The following HEATR4 variants were observed in gnomAD, a reference collection of about 807,000 sequenced individuals.
HEATR4 encodes HEAT repeat-containing protein 4.
HEATR4 carries 95 observed loss-of-function variants against 108.8 expected under a neutral mutation model. That is an observed-to-expected ratio of 0.87 (90% CI 0.74 to 1.04). The LOEUF (loss-of-function observed/expected upper bound fraction) is 1.04, where lower values mean the gene tolerates loss of function less well. Ranked by LOEUF, HEATR4 falls within the 50% of genes least tolerant of loss-of-function variation. The probability of loss-of-function intolerance (pLI) is 0.00; values close to 1 mark genes in which losing one functional copy is unlikely to be tolerated. For synonymous variants in HEATR4, 443 were observed against 459.4 expected (o/e 0.96, Z 0.46); for missense variants, 1,152 against 1,253.8 (o/e 0.92, Z 1.23).
At chr14:73,600,477 GT>G in the HEATR4 span, among the ~76,000 whole-genome samples, 3,141 of 151,766 alleles carry the variant, frequency 0.021, 115 homozygotes, top group African/African-American at 0.072. Context: ...CCAAGACGGA[GT>G]TTTGCTCTTG....
chr14:73,620,812 C>G, the HEATR4 span, among the ~76,000 whole-genome samples: 1 of 151,584 alleles, frequency 6.6e-6, no homozygotes, highest in Non-Finnish European at 1.5e-5. Flanking sequence ...AGGTGATCCA[C>G]CCACCTCAGC....
Position 73,492,746 on chromosome 14 carries a change from TATC to T in HEATR4, c.2844+317_2844+319del. Reference sequence around the variant, plus strand: ...TTACACAGTGGAAAACTCCCGTGTGTATCATCTGGAAGAACCCAAGTGCTTGGA... The same window carrying T: ...TTACACAGTGGAAAACTCCCGTGTGTATCTGGAAGAACCCAAGTGCTTGGA... On this transcript the variant is annotated intron_variant, in intron 17 of 17. Coordinates refer to ENST00000553558, the MANE Select transcript of HEATR4 (RefSeq NM_001220484.1). The surrounding 1 kb of genome is among the most constrained non-coding windows in gnomAD (Gnocchi z 4.9). 1 of 1,613,982 alleles carries T rather than the reference TATC, an allele frequency of 6.2e-7. No homozygotes were observed. The highest frequency in any genetic ancestry group is 2.2e-5 in the East Asian group (1 of 44,890).
At chr14:73,629,714 A>G in the HEATR4 span, among the ~76,000 whole-genome samples, 10 of 150,646 alleles carry the variant, frequency 6.6e-5, no homozygotes, top group South Asian at 4.2e-4. Context: ...GTGCAATCTC[A>G]GCTCACTGCA....
chr14:73,593,865 C>G, the HEATR4 span: 1 of 1,613,784 alleles, frequency 6.2e-7, no homozygotes, highest in Non-Finnish European at 8.5e-7. Flanking sequence ...CCCTGGAGTA[C>G]TTCGAAGAAG....
intron 17 of HEATR4, chr14:73,491,619 G>T (rs1595082655): frequency 6.5e-7 from 1 of 1,547,558 alleles, no homozygotes; most frequent in Non-Finnish European, 8.7e-7. Context: ...AGCCGGCGGC[G>T]AGCGGCCCGC....
chr14:73,504,100 G>T (rs1342175233), intron 10 of HEATR4, among the ~76,000 whole-genome samples: 1 of 147,662 alleles, frequency 6.8e-6, no homozygotes, highest in African/African-American at 2.5e-5. Context: ...TTTTTGAGAC[G>T]GAGTTTCACT....
At chr14:73,486,379 C>A (rs1641966318) in intron 17 of HEATR4, among the ~76,000 whole-genome samples, 1 of 152,202 alleles carries the variant, frequency 6.6e-6, no homozygotes, top group Admixed American at 6.5e-5. Context: ...TTCAACAACT[C>A]ATGCTATCCT....
intron 6 of HEATR4, among the ~76,000 whole-genome samples, chr14:73,512,962 G>C (rs1887356111): frequency 6.6e-6 from 1 of 152,144 alleles, no homozygotes; most frequent in African/African-American, 2.4e-5. Context: ...TCCTTGCCAG[G>C]CCATTACTTT....
At chr14:73,601,107 C>G in the HEATR4 span, among the ~76,000 whole-genome samples, 1 of 152,000 alleles carries the variant, frequency 6.6e-6, no homozygotes, top group African/African-American at 2.4e-5. Flanking sequence ...TACCACTGCA[C>G]TCCAGCCTGG....
the HEATR4 span, chr14:73,612,907 C>T: frequency 2.2e-6 from 3 of 1,362,212 alleles, no homozygotes; most frequent in Middle Eastern, 5.1e-4. Context: ...TGGACGGCCA[C>T]GACACCGAGC....
the HEATR4 span, among the ~76,000 whole-genome samples, chr14:73,585,460 G>A: frequency 2.0e-5 from 3 of 152,088 alleles, no homozygotes; most frequent in East Asian, 1.9e-4. Flanking sequence ...TGAGGTGGGC[G>A]GATTACCTGG....
Position 73,556,950 on chromosome 14 carries a change from T to C in HEATR4, c.-152+1801A>G, listed in dbSNP as rs1445884720. 6.2e-5 allele frequency among the ~76,000 whole-genome samples: 7 copies of C among 113,074 alleles called. 2 individuals are homozygous for C. Among genetic ancestry groups the C allele is most frequent in the Non-Finnish European group, 1.4e-4 (7 of 51,786 alleles). 74.2% of individuals were successfully genotyped at this position (113,074 alleles called of 152,430 possible). A position where few individuals can be genotyped will look rare whatever the true frequency, so the allele number is the denominator to read the frequency against. ...GCTTAGAGAAGAAAGAAAGGACTTA[T>C]TAATGGAGTTTGGAGGCTCCTTATT... On this transcript the variant is annotated intron_variant, in intron 1 of 17. Coordinates refer to ENST00000553558, the MANE Select transcript of HEATR4 (RefSeq NM_001220484.1).
In HEATR4 at chr14:73,492,562, T is replaced by A. The variant is rs1885846148; in HGVS notation, c.2844+504A>T. 1 of 1,613,876 alleles carries A rather than the reference T, an allele frequency of 6.2e-7. No individual in the cohort carries two copies. The highest frequency in any genetic ancestry group is 8.5e-7 in the Non-Finnish European group (1 of 1,179,844). On this transcript the variant is annotated intron_variant, in intron 17 of 17. Coordinates refer to ENST00000553558, the MANE Select transcript of HEATR4 (RefSeq NM_001220484.1). The surrounding 1 kb of genome is among the most constrained non-coding windows in gnomAD (Gnocchi z 4.9). ...ACGATTCTCTGCCCCCTGTTTTGACTGATAGGGAGAGGGCACTAAGTGTTT... is the reference window on the plus strand; with the variant it reads ...ACGATTCTCTGCCCCCTGTTTTGACAGATAGGGAGAGGGCACTAAGTGTTT...
At chr14:73,614,703 C>T in the HEATR4 span, among the ~76,000 whole-genome samples, 4 of 149,404 alleles carry the variant, frequency 2.7e-5, no homozygotes, top group Admixed American at 6.7e-5. Flanking sequence ...GCCAAGATTG[C>T]GCCACTACAC....
rs970641380 is a variant in HEATR4, at chr14:73,500,401, C to G, written c.2286+149G>C. ...AAGATTGGATGCCCCTGAAACAGTC[C>G]TGTTTGAAGTGGCTTATACACCCCC... On this transcript the variant is annotated intron_variant, in intron 12 of 17. Coordinates refer to ENST00000553558, the MANE Select transcript of HEATR4 (RefSeq NM_001220484.1). The G allele has an allele frequency of 2.5e-5, 18 of 732,288 alleles. No homozygotes were observed. In the African/African-American group the frequency reaches 2.8e-4, roughly 11 times the overall value. The allele number at this position is 732,288 out of a possible 1,614,324, so 45.4% of individuals were successfully genotyped here. A position where few individuals can be genotyped will look rare whatever the true frequency, so the allele number is the denominator to read the frequency against.
At chr14:73,614,431 T>G in the HEATR4 span, among the ~76,000 whole-genome samples, 4 of 152,004 alleles carry the variant, frequency 2.6e-5, no homozygotes, top group Non-Finnish European at 5.9e-5. Flanking sequence ...AAGGATATAG[T>G]AGGAGCTCAA....
chr14:73,583,539 G>GTGA, the HEATR4 span, among the ~76,000 whole-genome samples: 50,687 of 151,520 alleles, frequency 0.33, 9,988 homozygotes, highest in East Asian at 0.64. Flanking sequence ...GGAATGTCAG[G>GTGA]TGATGGTTCG....
intron 9 of HEATR4, among the ~76,000 whole-genome samples, 180 bp downstream of exon 9, chr14:73,507,954 C>T (rs12588885): frequency 0.16 from 23,693 of 152,126 alleles, 2,231 homozygotes; most frequent in East Asian, 0.3. Context: ...CCATGTTGGC[C>T]AGTCTGGTCT....
At chr14:73,621,768 T>C in the HEATR4 span, among the ~76,000 whole-genome samples, 1 of 142,576 alleles carries the variant, frequency 7.0e-6, no homozygotes, top group Non-Finnish European at 1.5e-5. Context: ...TTTCTTTTTT[T>C]TTTTTTTTTT....
Sources: allele counts gnomAD v4.1 joint callset (sites outside exome capture counted in the v4.1 genomes callset), GRCh38; gene constraint gnomAD v4.1.1; non-coding constraint Gnocchi (gnomAD v3.1); transcripts MANE v1.5; gene names NCBI Gene and HGNC (gene_info 2026-07-23, HGNC 2026-07-21).